Variants in PRKCG observed in about 807,000 individuals in gnomAD.
The protein encoded by PRKCG is protein kinase C gamma, also known as protein kinase C gamma type.
A neutral mutation model predicts 82.0 loss-of-function variants in PRKCG; 28 were observed. The ratio of observed to expected loss-of-function variants is 0.34; its 90% CI spans 0.25 to 0.47. The LOEUF (loss-of-function observed/expected upper bound fraction) is 0.47. PRKCG is among the 20% of genes least tolerant of loss of function. PRKCG has a pLI of 1.00. For synonymous variants in PRKCG, 383 were observed against 376.6 expected, an observed-to-expected ratio of 1.02 and a Z score of -0.20; for missense variants, 640 against 952.7, an observed-to-expected ratio of 0.67 and a Z score of 4.32.
chr19:53,889,217 G>C lies in PRKCG; in HGVS notation c.286-421G>C, dbSNP rs2068653332. On this transcript the variant is annotated intron_variant, in intron 3 of 17. Transcript: ENST00000263431. This position sits in a 1 kb window ranked among gnomAD's most constrained non-coding sequence, Gnocchi z 4.4. ...AATCCGCCCACCTCGGCCTCCCAAA[G>C]TGCTGGGATTACAGGCATGAGCCAC... Among the ~76,000 whole-genome samples the C allele has an allele frequency of 6.6e-6, 1 of 152,098 alleles. No homozygotes were observed. Among genetic ancestry groups the C allele is most frequent in the Non-Finnish European group, 1.5e-5 (1 of 68,018 alleles).
rs558658764 is a variant in PRKCG, at chr19:53,900,399, C to T, written c.1374-20C>T. The T allele has an allele frequency of 4.3e-6, 7 of 1,613,982 alleles. No individual in the cohort carries two copies. The South Asian group carries it at 6.6e-5, about 15-fold the overall frequency. Reference sequence around the variant, plus strand: ...TCCAGCCACTGACCTTCTGACGTCCCCACCCACCCCGTCCTCCAGGTTCTA... The same window carrying T: ...TCCAGCCACTGACCTTCTGACGTCCTCACCCACCCCGTCCTCCAGGTTCTA... On this transcript the variant is annotated intron_variant, in intron 12 of 17. Transcript: ENST00000263431. This position sits in a 1 kb window ranked among gnomAD's most constrained non-coding sequence, Gnocchi z 4.2.
At chr19:53,890,168 G>C in intron 5 of PRKCG, 151 bp downstream of exon 5, 1 of 873,718 alleles carries the variant, frequency 1.1e-6, no homozygotes. Flanking sequence ...CACCCCAAAG[G>C]CCGAGCACAC....
In PRKCG at chr19:53,892,861, C is replaced by A; in HGVS notation, c.822-127C>A. ...TTTCTCCCTCTCCCTCTCTTTTTAT[C>A]TCACTCTTTCTCTCTTCCATCTCTG... On this transcript the variant is annotated intron_variant, in intron 7 of 17. Transcript: ENST00000263431. This position sits in a 1 kb window ranked among gnomAD's most constrained non-coding sequence, Gnocchi z 5.9. 9.3e-7 allele frequency: 1 copy of A among 1,070,354 alleles called. No homozygotes were observed. The allele number at this position is 1,070,354 out of a possible 1,614,324, so 66.3% of individuals were successfully genotyped here. A position where few individuals can be genotyped will look rare whatever the true frequency, so the allele number is the denominator to read the frequency against.
At chr19:53,898,975 G>T (rs571251042) in intron 11 of PRKCG, among the ~76,000 whole-genome samples, 37 of 141,974 alleles carry the variant, frequency 2.6e-4, no homozygotes, top group African/African-American at 7.8e-4. Flanking sequence ...GAAATCTTTG[G>T]GGGGGTGGTT....
Position 53,883,042 on chromosome 19 carries a change from G to C in PRKCG, c.171-121G>C, listed in dbSNP as rs928357991. 4 of 1,305,278 alleles carry C rather than the reference G, an allele frequency of 3.1e-6. No homozygotes were observed. In the African/African-American group the frequency reaches 4.4e-5, roughly 14 times the overall value. The allele number at this position is 1,305,278 out of a possible 1,614,324, so 80.9% of individuals were successfully genotyped here. ...GGGTTCTAGAAAGAGGAGGTGGCCGGGGCTTGGACACCTGGGCCCTGCGGG... is the reference window on the plus strand; with the variant it reads ...GGGTTCTAGAAAGAGGAGGTGGCCGCGGCTTGGACACCTGGGCCCTGCGGG... On this transcript the variant is annotated intron_variant, in intron 1 of 17. Coordinates refer to ENST00000263431, the MANE Select transcript of PRKCG (RefSeq NM_002739.5). The surrounding 1 kb of genome is among the most constrained non-coding windows in gnomAD (Gnocchi z 5.4).
In PRKCG at chr19:53,892,818, CTCT is replaced by C. The variant is rs1209504262; in HGVS notation, c.822-163_822-161del. On this transcript the variant is annotated intron_variant, in intron 7 of 17. Transcript: ENST00000263431. The surrounding 1 kb of genome is among the most constrained non-coding windows in gnomAD (Gnocchi z 5.9). ...CACACACCCCTCTCTCTCTATTCTT[CTCT>C]TCTTCTCCCCTCCCTTTCTCCCTCT... Among the ~76,000 whole-genome samples the C allele has an allele frequency of 4.6e-5, 7 of 151,548 alleles. No individual in the cohort carries two copies. Among genetic ancestry groups the C allele is most frequent in the Admixed American group, 3.3e-4 (5 of 15,218 alleles).
chr19:53,882,260 G>A lies in PRKCG; in HGVS notation c.-235G>A, dbSNP rs766844154. Reference sequence around the variant, plus strand: ...GCCGCCCGTGCCTCCGGCTGCCGGCGCCCCTGCCTTTGGCTCTTCCTCCCC... The same window carrying A: ...GCCGCCCGTGCCTCCGGCTGCCGGCACCCCTGCCTTTGGCTCTTCCTCCCC... On this transcript the variant is annotated 5_prime_UTR_variant, in exon 1 of 18. Transcript: ENST00000263431. The surrounding 1 kb of genome is among the most constrained non-coding windows in gnomAD (Gnocchi z 6.1). The A allele has an allele frequency of 1.7e-6, 1 of 584,714 alleles. No individual in the cohort carries two copies. Among genetic ancestry groups the A allele is most frequent in the South Asian group, 1.7e-5 (1 of 57,898 alleles). The allele number at this position is 584,714 out of a possible 1,614,324, so 36.2% of individuals were successfully genotyped here. A position where few individuals can be genotyped will look rare whatever the true frequency, so the allele number is the denominator to read the frequency against.
In PRKCG at chr19:53,892,942, G is replaced by T. The variant is rs1376761733; in HGVS notation, c.822-46G>T. The T allele has an allele frequency of 6.4e-7, 1 of 1,553,578 alleles. No individual in the cohort carries two copies. On this transcript the variant is annotated intron_variant, in intron 7 of 17. Transcript: ENST00000263431. This position sits in a 1 kb window ranked among gnomAD's most constrained non-coding sequence, Gnocchi z 5.9. ...TCCAATGTCTTTGCCTCTCCCATGGGTGCCCCATCCCCGCTGCCCGCCTCT... is the reference window on the plus strand; with the variant it reads ...TCCAATGTCTTTGCCTCTCCCATGGTTGCCCCATCCCCGCTGCCCGCCTCT...
rs2068677696 is a variant in PRKCG, at chr19:53,891,690, C to T, written c.546C>T (p.Asn182=). 5 of 1,614,054 alleles carry T rather than the reference C, an allele frequency of 3.1e-6. No homozygotes were observed. Among genetic ancestry groups the T allele is most frequent in the Non-Finnish European group, 4.2e-6 (5 of 1,179,994 alleles). The stretch of plus-strand genomic sequence containing the variant: ...CCCGTTTAGTTGGCGAGGCCCGTAA[C>T]CTAATTCCTATGGACCCCAATGGTC... The part of the protein sequence containing the change: ...EIHVTVGEAR[N]LIPMDPNGLS... The change falls in exon 6 of 18, where the codon AAC becomes AAT. Residue 182 remains asparagine (N), a synonymous_variant. Transcript: ENST00000263431.
intron 3 of PRKCG, among the ~76,000 whole-genome samples, chr19:53,888,623 A>G (rs893246636): frequency 1.2e-4 from 19 of 152,302 alleles, no homozygotes; most frequent in African/African-American, 3.8e-4. Context: ...TAACCACAGT[A>G]ATAGTATTGG....
chr19:53,892,808 C>T lies in PRKCG; in HGVS notation c.821+165C>T, dbSNP rs904979102. 1.3e-5 allele frequency among the ~76,000 whole-genome samples: 2 copies of T among 151,520 alleles called. No homozygotes were observed. The highest frequency in any genetic ancestry group is 4.9e-5 in the African/African-American group (2 of 41,110). The stretch of plus-strand genomic sequence containing the variant: ...CACACACACGCACACACCCCTCTCT[C>T]TCTATTCTTCTCTTCTTCTCCCCTC... On this transcript the variant is annotated intron_variant, in intron 7 of 17. Transcript: ENST00000263431. This position sits in a 1 kb window ranked among gnomAD's most constrained non-coding sequence, Gnocchi z 5.9.
Position 53,892,750 on chromosome 19 carries a change from G to GCACACACA in PRKCG, c.821+108_821+109insACACACAC, listed in dbSNP as rs1491356004. 1.5e-5 allele frequency: 18 copies of GCACACACA among 1,168,562 alleles called. No individual in the cohort carries two copies. In the African/African-American group the frequency reaches 2.9e-4, roughly 19 times the overall value. 72.4% of individuals were successfully genotyped at this position (1,168,562 alleles called of 1,614,324 possible). A position where few individuals can be genotyped will look rare whatever the true frequency, so the allele number is the denominator to read the frequency against. On this transcript the variant is annotated intron_variant, in intron 7 of 17. Coordinates refer to ENST00000263431, the MANE Select transcript of PRKCG (RefSeq NM_002739.5). This position sits in a 1 kb window ranked among gnomAD's most constrained non-coding sequence, Gnocchi z 5.9. Reference sequence around the variant, plus strand: ...TGTCCTTCCCTCTGCCTCCCAGCATGCGCACACACACACACACACACACAC... The same window carrying GCACACACA: ...TGTCCTTCCCTCTGCCTCCCAGCATGCACACACACGCACACACACACACACACACACAC...
intron 3 of PRKCG, among the ~76,000 whole-genome samples, chr19:53,886,204 A>G (rs1052736798): frequency 6.6e-6 from 1 of 151,672 alleles, no homozygotes; most frequent in African/African-American, 2.4e-5. Flanking sequence ...TCCCAGGTTC[A>G]AGCGATTCTC....
At position 53,907,186 on chromosome 19, in the gene PRKCG, A is replaced by C; in HGVS notation, c.*291A>C. On this transcript the variant is annotated 3_prime_UTR_variant, in exon 18 of 18. Transcript: ENST00000263431. The stretch of plus-strand genomic sequence containing the variant: ...GGGTCCAGAGACCACACCACTAACC[A>C]TCCCCAACTCCATGGGGTTCGAGAC... 24 of 529,672 alleles carry C rather than the reference A, an allele frequency of 4.5e-5. No individual in the cohort carries two copies. Among genetic ancestry groups the C allele is most frequent in the East Asian group, 1.4e-4 (4 of 27,624 alleles). 32.8% of individuals were successfully genotyped at this position (529,672 alleles called of 1,614,324 possible). A position where few individuals can be genotyped will look rare whatever the true frequency, so the allele number is the denominator to read the frequency against.
rs2122994448 is a variant in PRKCG, at chr19:53,891,777, G to A, written c.633G>A (p.Lys211=). ...ACCCTCGGAACCTGACGAAACAGAA[G>A]ACCCGAACGGTGAAAGCCACGCTAA... ...IPDPRNLTKQ[K]TRTVKATLNP... Residue 211 remains lysine, a synonymous_variant, in exon 6 of 18, where the codon AAG becomes AAA. Transcript: ENST00000263431. 1.2e-6 allele frequency: 2 copies of A among 1,614,098 alleles called. No individual in the cohort carries two copies. Among genetic ancestry groups the A allele is most frequent in the East Asian group, 2.2e-5 (1 of 44,868 alleles).
At position 53,898,763 on chromosome 19, in the gene PRKCG, T is replaced by G. The variant is rs73937606; in HGVS notation, c.1281+135T>G. 0.11 allele frequency: 24,744 copies of G among 222,370 alleles called. 2,535 individuals are homozygous for G. The highest frequency in any genetic ancestry group is 0.37 in the East Asian group (4,606 of 12,568). 13.8% of individuals were successfully genotyped at this position (222,370 alleles called of 1,614,324 possible). On this transcript the variant is annotated intron_variant, in intron 11 of 17. Transcript: ENST00000263431. Reference sequence around the variant, plus strand: ...TGAGTGGGCGAGGCCAGGCGGATTGTCTCCTCAGGGGGCGTGGCCGGGGGG... The same window carrying G: ...TGAGTGGGCGAGGCCAGGCGGATTGGCTCCTCAGGGGGCGTGGCCGGGGGG...
In PRKCG at chr19:53,889,812, C is replaced by T; in HGVS notation, c.397+63C>T. 3 of 1,583,902 alleles carry T rather than the reference C, an allele frequency of 1.9e-6. No homozygotes were observed. The highest frequency in any genetic ancestry group is 2.6e-6 in the Non-Finnish European group (3 of 1,164,980). The stretch of plus-strand genomic sequence containing the variant: ...GCCCGGTCTGGGTTCCGGGAAATGC[C>T]CGGGATGGGGTGGGGGGTGGAGTCT... On this transcript the variant is annotated intron_variant, in intron 4 of 17. Transcript: ENST00000263431. This position sits in a 1 kb window ranked among gnomAD's most constrained non-coding sequence, Gnocchi z 4.4.
intron 10 of PRKCG, 32 bp downstream of exon 10, chr19:53,898,143 G>C (rs986091227): frequency 1.2e-6 from 2 of 1,611,236 alleles, no homozygotes; most frequent in Non-Finnish European, 1.7e-6. Context: ...GGGAAAGGGA[G>C]GATGTCTGTG....
chr19:53,882,179 CCCCAACCCGGGG>C, upstream of PRKCG: 1 of 387,788 alleles, frequency 2.6e-6, no homozygotes, highest in Admixed American at 4.7e-5. This position sits in a 1 kb window ranked among gnomAD's most constrained non-coding sequence, Gnocchi z 6.1. Context: ...GCAACGCCTC[CCCCAACCCGGGG>C]CTCCCACATT....
Sources: allele counts gnomAD v4.1 joint callset (sites outside exome capture counted in the v4.1 genomes callset), GRCh38; gene constraint gnomAD v4.1.1; non-coding constraint Gnocchi (gnomAD v3.1); transcripts MANE v1.5; gene names NCBI Gene and HGNC (gene_info 2026-07-23, HGNC 2026-07-21).